The following HS3ST4 variants were observed in gnomAD, a reference collection of about 807,000 sequenced individuals.
The protein encoded by HS3ST4 is heparan sulfate glucosamine 3-O-sulfotransferase 4.
Under a neutral mutation model 29.2 loss-of-function variants are expected in HS3ST4, and 17 were observed. The ratio of observed to expected loss-of-function variants is 0.58; its 90% confidence interval spans 0.40 to 0.87. The LOEUF is 0.87. Ranked by LOEUF, HS3ST4 falls within the 40% of genes least tolerant of loss-of-function variation. The probability of loss-of-function intolerance (pLI) is 0.00; values close to 1 mark genes in which losing one functional copy is unlikely to be tolerated. For missense variants in HS3ST4, 627 were observed against 634.5 expected (o/e 0.99, Z 0.13); for synonymous variants, 314 against 285.7 (o/e 1.10, Z -1.00).
chr16:26,009,601 G>A (rs980746091), intron 1 of HS3ST4, among the ~76,000 whole-genome samples: 1 of 152,202 alleles, frequency 6.6e-6, no homozygotes, highest in South Asian at 2.1e-4. Flanking sequence ...ACTCGGGTGT[G>A]CAGGTGGATG....
At chr16:25,739,712 TCTG>T (rs1011924512) in intron 1 of HS3ST4, among the ~76,000 whole-genome samples, 1 of 101,668 alleles carries the variant, frequency 9.8e-6, no homozygotes, top group Non-Finnish European at 2.4e-5. Flanking sequence ...GATGTCTCTG[TCTG>T]TTGGGATGGT....
chr16:26,117,998 A>C (rs1899221447), intron 1 of HS3ST4, among the ~76,000 whole-genome samples: 1 of 152,162 alleles, frequency 6.6e-6, no homozygotes, highest in Admixed American at 6.5e-5. Context: ...AGAAGATAAA[A>C]CAAAACAATG....
At chr16:26,049,722 A>C (rs1008540693) in intron 1 of HS3ST4, among the ~76,000 whole-genome samples, 92 of 152,254 alleles carry the variant, frequency 6.0e-4, no homozygotes, top group African/African-American at 2.2e-3. Context: ...GCTGGGCTCA[A>C]GCCCCAGGGC....
chr16:25,713,936 T>C (rs1467958010), intron 1 of HS3ST4, among the ~76,000 whole-genome samples: 1 of 152,156 alleles, frequency 6.6e-6, no homozygotes, highest in Non-Finnish European at 1.5e-5. Flanking sequence ...CCTCCCAAGC[T>C]GCTAGGACTC....
intron 1 of HS3ST4, among the ~76,000 whole-genome samples, chr16:25,778,771 A>G (rs1966850062): frequency 1.3e-5 from 2 of 152,096 alleles, no homozygotes; most frequent in South Asian, 4.2e-4. Flanking sequence ...GAAGAAGGAG[A>G]AGGAGAAGGA....
chr16:25,806,209 C>A lies in HS3ST4; in HGVS notation c.734+113058C>A, dbSNP rs971542115. ...CCTCTGCAGTGCACATTGCCTACATCTCTCAGAGTATTGGTAAGTAGATGG... is the reference window on the plus strand; with the variant it reads ...CCTCTGCAGTGCACATTGCCTACATATCTCAGAGTATTGGTAAGTAGATGG... On this transcript the variant is annotated intron_variant, in intron 1 of 1. Coordinates refer to ENST00000331351, the MANE Select transcript of HS3ST4 (RefSeq NM_006040.3). 1.6e-4 allele frequency among the ~76,000 whole-genome samples: 24 copies of A among 152,180 alleles called. 1 individual carries two copies. Among genetic ancestry groups the A allele is most frequent in the Admixed American group, 1.4e-3 (21 of 15,276 alleles).
chr16:26,043,492 T>C (rs988965419), intron 1 of HS3ST4, among the ~76,000 whole-genome samples: 2 of 152,182 alleles, frequency 1.3e-5, no homozygotes, highest in East Asian at 3.8e-4. Context: ...GCTTTACCTC[T>C]CTGAGGCTCA....
intron 1 of HS3ST4, among the ~76,000 whole-genome samples, chr16:25,903,002 T>C (rs1394350163): frequency 6.8e-6 from 1 of 146,174 alleles, no homozygotes; most frequent in East Asian, 2.0e-4. Flanking sequence ...GCCTGGGTGA[T>C]GGAGTGAGAC....
intron 1 of HS3ST4, among the ~76,000 whole-genome samples, chr16:26,092,942 G>A (rs774698318): frequency 1.2e-4 from 18 of 152,128 alleles, no homozygotes; most frequent in South Asian, 2.1e-4. Context: ...ATTCTCTCCC[G>A]TGCCTGACTC....
At chr16:25,783,397 T>A (rs112574424) in intron 1 of HS3ST4, among the ~76,000 whole-genome samples, 306 of 152,318 alleles carry the variant, frequency 2.0e-3, no homozygotes, top group Middle Eastern at 6.8e-3. Flanking sequence ...TAACAGCCGC[T>A]GCATTGATGT....
At chr16:26,089,831 C>T (rs1384159579) in intron 1 of HS3ST4, among the ~76,000 whole-genome samples, 1 of 152,174 alleles carries the variant, frequency 6.6e-6, no homozygotes, top group East Asian at 1.9e-4. Context: ...GCTTGCCAAC[C>T]TTTGGTCTCT....
At chr16:25,821,372 A>G (rs1310692048) in intron 1 of HS3ST4, among the ~76,000 whole-genome samples, 2 of 151,974 alleles carry the variant, frequency 1.3e-5, no homozygotes, top group African/African-American at 4.8e-5. Flanking sequence ...TGATTATGAC[A>G]TTTGCATTTT....
chr16:25,889,882 T>C (rs1402984749), intron 1 of HS3ST4, among the ~76,000 whole-genome samples: 1 of 149,250 alleles, frequency 6.7e-6, no homozygotes, highest in African/African-American at 2.5e-5. Flanking sequence ...CTGAAGGTTT[T>C]ATCAGGGGAA....
intron 1 of HS3ST4, among the ~76,000 whole-genome samples, chr16:25,980,562 C>T (rs148821728): frequency 9.2e-5 from 14 of 152,174 alleles, no homozygotes; most frequent in South Asian, 2.1e-4. Flanking sequence ...TCCTGGAAAC[C>T]GAAATTTAGT....
At chr16:25,948,185 G>A (rs757152922) in intron 1 of HS3ST4, among the ~76,000 whole-genome samples, 5 of 152,004 alleles carry the variant, frequency 3.3e-5, no homozygotes, top group South Asian at 2.1e-4. Flanking sequence ...AGCTTGAGAC[G>A]GTGCAACAGC....
chr16:25,911,790 T>C (rs532708973), intron 1 of HS3ST4, among the ~76,000 whole-genome samples: 1 of 152,294 alleles, frequency 6.6e-6, no homozygotes, highest in Admixed American at 6.5e-5. Context: ...ATTACAGGTA[T>C]GAGCCATTGT....
chr16:25,957,754 C>T (rs1409729270), intron 1 of HS3ST4, among the ~76,000 whole-genome samples: 1 of 152,166 alleles, frequency 6.6e-6, no homozygotes, highest in African/African-American at 2.4e-5. Flanking sequence ...CTTTAAATCA[C>T]AAAACTTCTA....
chr16:25,722,408 A>G (rs1966503620), intron 1 of HS3ST4, among the ~76,000 whole-genome samples: 1 of 152,018 alleles, frequency 6.6e-6, no homozygotes, highest in Non-Finnish European at 1.5e-5. Context: ...GTGTAGGTCC[A>G]ATACACACAC....
At chr16:26,131,437 C>G (rs906399572) in intron 1 of HS3ST4, among the ~76,000 whole-genome samples, 1 of 152,216 alleles carries the variant, frequency 6.6e-6, no homozygotes, top group Admixed American at 6.5e-5. Context: ...TTTTCTGACT[C>G]TCTTACCTTT....
Sources: allele counts gnomAD v4.1 joint callset (sites outside exome capture counted in the v4.1 genomes callset), GRCh38; gene constraint gnomAD v4.1.1; transcripts MANE v1.5; gene names NCBI Gene and HGNC (gene_info 2026-07-23, HGNC 2026-07-21).